Variants in DSCAM observed in about 807,000 individuals in gnomAD.
The protein encoded by DSCAM is cell adhesion molecule DSCAM.
A neutral mutation model predicts 217.7 loss-of-function variants in DSCAM; 47 were observed. That is an observed-to-expected ratio of 0.22 (90% CI 0.17 to 0.28). The LOEUF (loss-of-function observed/expected upper bound fraction) is 0.28, where lower values mean the gene tolerates loss of function less well. Among genes scored for constraint, DSCAM ranks in the 10% least tolerant of loss-of-function variants. The probability of loss-of-function intolerance (pLI) is 1.00; values close to 1 mark genes in which losing one functional copy is unlikely to be tolerated. For missense variants in DSCAM, 2,080 were observed against 2,618.3 expected (o/e 0.79, Z 4.49); for synonymous variants, 1,056 against 1,015.3 (o/e 1.04, Z -0.76).
At chr21:40,191,609 G>A (rs925490814) in intron 11 of DSCAM, among the ~76,000 whole-genome samples, 33 of 152,054 alleles carry the variant, frequency 2.2e-4, no homozygotes, top group South Asian at 4.2e-4. Context: ...TATTGCATTC[G>A]CTTCCTAGAG....
intron 3 of DSCAM, among the ~76,000 whole-genome samples, chr21:40,453,040 T>TGTGTGTGTG (rs2075733141): frequency 7.4e-6 from 1 of 134,328 alleles, no homozygotes; most frequent in Non-Finnish European, 1.6e-5. Context: ...TTTAAAGACT[T>TGTGTGTGTG]TGTGTGTGTG....
At chr21:40,224,279 A>G (rs1324413055) in intron 11 of DSCAM, among the ~76,000 whole-genome samples, 1 of 152,254 alleles carries the variant, frequency 6.6e-6, no homozygotes, top group Non-Finnish European at 1.5e-5. Context: ...GTTAAATTGC[A>G]AATGAGAATA....
At chr21:40,345,474 C>T (rs775431320) in intron 6 of DSCAM, among the ~76,000 whole-genome samples, 2 of 152,060 alleles carry the variant, frequency 1.3e-5, no homozygotes, top group Non-Finnish European at 2.9e-5. Flanking sequence ...CTGATATATG[C>T]TATTTTACCA....
chr21:40,232,758 A>G lies in DSCAM; in HGVS notation c.2356+43339T>C, dbSNP rs1476350225. ...ATATTTGTAATTCTAATTTAAATAT[A>G]TAATTAAGTAATCAATTTAGACAGG... On this transcript the variant is annotated intron_variant, in intron 11 of 32. Transcript: ENST00000400454. Among the ~76,000 whole-genome samples the G allele has an allele frequency of 2.6e-5, 4 of 152,298 alleles. No homozygotes were observed. The East Asian group carries it at 5.8e-4, about 22-fold the overall frequency.
At chr21:40,237,476 GTTC>G (rs2073094999) in intron 11 of DSCAM, among the ~76,000 whole-genome samples, 1 of 152,146 alleles carries the variant, frequency 6.6e-6, no homozygotes, top group Non-Finnish European at 1.5e-5. Flanking sequence ...TTGGTTTTCT[GTTC>G]TTGTGTTAGT....
chr21:40,433,610 T>C (rs572470077), intron 3 of DSCAM, among the ~76,000 whole-genome samples: 12 of 152,358 alleles, frequency 7.9e-5, no homozygotes, highest in Non-Finnish European at 1.6e-4. Flanking sequence ...TATTTTTTTC[T>C]ATCTCTCTTC....
At chr21:40,327,965 T>C (rs1227787058) in intron 8 of DSCAM, among the ~76,000 whole-genome samples, 1 of 152,022 alleles carries the variant, frequency 6.6e-6, no homozygotes, top group African/African-American at 2.4e-5. Context: ...CAGTGATAAG[T>C]ATAAAACATT....
At chr21:40,512,706 T>C (rs759088042) in intron 3 of DSCAM, among the ~76,000 whole-genome samples, 3 of 152,070 alleles carry the variant, frequency 2.0e-5, no homozygotes, top group Non-Finnish European at 4.4e-5. Flanking sequence ...TATAGTACTG[T>C]ATAGTTATGC....
chr21:40,188,897 G>A (rs955091770), intron 12 of DSCAM, 145 bp downstream of exon 12: 7 of 775,448 alleles, frequency 9.0e-6, no homozygotes, highest in African/African-American at 3.5e-5. Context: ...CACTAATCTC[G>A]CTGTGTGAAA....
chr21:40,379,979 TG>T lies in DSCAM; in HGVS notation c.509-10735del, dbSNP rs1468115350. Among the ~76,000 whole-genome samples the T allele has an allele frequency of 3.3e-5, 5 of 152,280 alleles. No homozygotes were observed. The East Asian group carries it at 9.7e-4, about 29-fold the overall frequency. The stretch of plus-strand genomic sequence containing the variant: ...TTTGGCTAGAAATAACACCATCACA[TG>T]GGGCATGAGGAATAAGCTTACAATT... On this transcript the variant is annotated intron_variant, in intron 3 of 32. Transcript: ENST00000400454.
chr21:40,434,738 T>C (rs559486335), intron 3 of DSCAM, among the ~76,000 whole-genome samples: 51 of 152,340 alleles, frequency 3.3e-4, no homozygotes, highest in Non-Finnish European at 5.6e-4. Flanking sequence ...AATTATTTGT[T>C]ATTCTCAATA....
rs145883818 is a variant in DSCAM at position 40,210,473 on chromosome 21, C to T, written c.2357-21235G>A. On this transcript the variant is annotated intron_variant, in intron 11 of 32. Coordinates refer to ENST00000400454, the MANE Select transcript of DSCAM (RefSeq NM_001389.5). ...AATTTCCATAGCTGTGGTGCAATATCAGAGCCAGGAAACCCACATGGGAAC... is the reference window on the plus strand; with the variant it reads ...AATTTCCATAGCTGTGGTGCAATATTAGAGCCAGGAAACCCACATGGGAAC... Among the ~76,000 whole-genome samples the T allele has an allele frequency of 2.1e-3, 324 of 152,320 alleles. 1 individual carries two copies. Among genetic ancestry groups the T allele is most frequent in the African/African-American group, 7.5e-3 (312 of 41,582 alleles).
chr21:40,297,901 C>T (rs1173827445), intron 9 of DSCAM, among the ~76,000 whole-genome samples: 2 of 152,074 alleles, frequency 1.3e-5, no homozygotes, highest in African/African-American at 2.4e-5. Flanking sequence ...TTTGTGCAAA[C>T]TGTAAAATGG....
rs1037088000 is a variant in DSCAM at position 40,255,714 on chromosome 21, C to G, written c.2356+20383G>C. Among the ~76,000 whole-genome samples the G allele has an allele frequency of 2.6e-5, 4 of 152,286 alleles. No individual in the cohort carries two copies. In the Middle Eastern group the frequency reaches 0.01, roughly 391 times the overall value. On this transcript the variant is annotated intron_variant, in intron 11 of 32. Transcript: ENST00000400454. ...TCTGAAGTGTCAGAAGGACTCACCC[C>G]ACACTTGGCTAATTCTGAGATGTAA...
rs1170535689 is a variant in DSCAM, at chr21:40,710,492, T to G, written c.44-1721A>C. ...TTTATACATCATCTACATTATTCCA[T>G]GGTTCTATACGGACTTCACAAGTAA... On this transcript the variant is annotated intron_variant, in intron 1 of 32. Coordinates refer to ENST00000400454, the MANE Select transcript of DSCAM (RefSeq NM_001389.5). Among the ~76,000 whole-genome samples the G allele has an allele frequency of 2.0e-5, 3 of 152,214 alleles. No individual in the cohort carries two copies. In the East Asian group the frequency reaches 5.8e-4, roughly 29 times the overall value.
intron 10 of DSCAM, among the ~76,000 whole-genome samples, chr21:40,287,940 A>G (rs1006742225): frequency 6.6e-6 from 1 of 152,194 alleles, no homozygotes; most frequent in South Asian, 2.1e-4. Flanking sequence ...AATGAGCAGA[A>G]AGGACACAGG....
intron 32 of DSCAM, among the ~76,000 whole-genome samples, chr21:40,020,364 CTTTT>C (rs1406456892): frequency 1.3e-5 from 2 of 152,190 alleles, no homozygotes; most frequent in Non-Finnish European, 2.9e-5. Flanking sequence ...TTCCTTCCTT[CTTTT>C]CCTTGTTTTG....
chr21:40,163,513 A>G (rs2090562994), intron 16 of DSCAM, among the ~76,000 whole-genome samples: 1 of 152,050 alleles, frequency 6.6e-6, no homozygotes, highest in African/African-American at 2.4e-5. Flanking sequence ...GTAGCACTTT[A>G]ATTAGCTTAA....
intron 11 of DSCAM, among the ~76,000 whole-genome samples, chr21:40,223,949 T>C (rs1035583038): frequency 6.6e-6 from 1 of 152,216 alleles, no homozygotes; most frequent in African/African-American, 2.4e-5. Flanking sequence ...CCCCACATGC[T>C]GTGGGTCCCT....
Sources: gnomAD v4.1 joint callset for allele counts (sites outside exome capture counted in the v4.1 genomes callset) on GRCh38, gnomAD v4.1.1 for gene constraint, MANE v1.5 for transcripts, NCBI Gene and HGNC (gene_info 2026-07-23, HGNC 2026-07-21) for gene names.